KCTD1: variants seen among roughly 807,000 people sequenced by gnomAD.
KCTD1 encodes the protein BTB/POZ domain-containing protein KCTD1.
Under a neutral mutation model 66.0 loss-of-function variants are expected in KCTD1, and 24 were observed. The observed-to-expected ratio is 0.36, with a 90% confidence interval of 0.26 to 0.51. KCTD1 has a LOEUF of 0.51. Among genes scored for constraint, KCTD1 ranks in the 20% least tolerant of loss-of-function variants. KCTD1 has a pLI of 0.95. For missense variants in KCTD1, 943 were observed against 1,205.2 expected, an observed-to-expected ratio of 0.78 and a Z score of 3.22; for synonymous variants, 511 against 517.2, an observed-to-expected ratio of 0.99 and a Z score of 0.16.
At chr18:26,620,813 A>G (rs918060651) in intron 1 of KCTD1, among the ~76,000 whole-genome samples, 4 of 146,728 alleles carry the variant, frequency 2.7e-5, no homozygotes, top group Non-Finnish European at 5.9e-5. Flanking sequence ...CATAGCAGTC[A>G]TCCTGAAACA....
upstream of KCTD1, among the ~76,000 whole-genome samples, chr18:26,644,744 G>A (rs1280414744): frequency 2.6e-5 from 4 of 150,986 alleles, no homozygotes; most frequent in Admixed American, 6.6e-5. Flanking sequence ...GCAACAGAGT[G>A]AGACTCTGTC....
At chr18:26,625,097 C>A (rs965612624) in intron 1 of KCTD1, among the ~76,000 whole-genome samples, 1 of 152,260 alleles carries the variant, frequency 6.6e-6, no homozygotes, top group South Asian at 2.1e-4. Context: ...CCTGTACCCT[C>A]ATTGTATCTG....
chr18:26,551,235 T>C (rs553049939), upstream of KCTD1, among the ~76,000 whole-genome samples: 94 of 152,122 alleles, frequency 6.2e-4, no homozygotes, highest in African/African-American at 2.0e-3. Context: ...GAAAAGAAAA[T>C]AGTTTTGTGC....
At chr18:26,647,050 T>C (rs1987937196) in intron 1 of KCTD1, among the ~76,000 whole-genome samples, 1 of 152,218 alleles carries the variant, frequency 6.6e-6, no homozygotes, top group Non-Finnish European at 1.5e-5. Flanking sequence ...CTATTTCTAC[T>C]AAGTGGGGAT....
At chr18:26,621,789 C>A (rs772402525) in intron 1 of KCTD1, among the ~76,000 whole-genome samples, 1 of 152,178 alleles carries the variant, frequency 6.6e-6, no homozygotes, top group African/African-American at 2.4e-5. Flanking sequence ...TGTCATCATG[C>A]ATTCCAGAAA....
At chr18:26,552,620 T>C (rs1463500577), upstream of KCTD1, among the ~76,000 whole-genome samples, 1 of 152,254 alleles carries the variant, frequency 6.6e-6, no homozygotes, top group Non-Finnish European at 1.5e-5. Flanking sequence ...TATTTCCTTA[T>C]CATTAATTCC....
chr18:26,527,007 C>T (rs1984194868), intron 1 of KCTD1, among the ~76,000 whole-genome samples: 1 of 151,962 alleles, frequency 6.6e-6, no homozygotes, highest in African/African-American at 2.4e-5. Context: ...AATGCTTTAA[C>T]CCCTTAATTC....
chr18:26,499,292 G>A (rs910925895), intron 2 of KCTD1, among the ~76,000 whole-genome samples: 6 of 152,036 alleles, frequency 3.9e-5, no homozygotes, highest in Non-Finnish European at 7.4e-5. Context: ...ATTAACAGAG[G>A]GTCGGAAGGA....
intron 3 of KCTD1, among the ~76,000 whole-genome samples, chr18:26,467,810 A>G (rs574679339): frequency 2.0e-5 from 3 of 152,122 alleles, no homozygotes; most frequent in Non-Finnish European, 4.4e-5. Context: ...GCGAGACCCT[A>G]TCTCAAAAAA....
At chr18:26,633,067 C>T (rs568528145), upstream of KCTD1, among the ~76,000 whole-genome samples, 5 of 151,796 alleles carry the variant, frequency 3.3e-5, no homozygotes, top group African/African-American at 4.8e-5. Context: ...AATTACCTTA[C>T]GCAACATGAG....
upstream of KCTD1, among the ~76,000 whole-genome samples, chr18:26,643,828 G>T (rs1469527401): frequency 2.6e-5 from 4 of 152,188 alleles, no homozygotes; most frequent in East Asian, 3.9e-4. Flanking sequence ...CGGGCTTGGT[G>T]GCGGGTGCCT....
chr18:26,507,932 T>C (rs1350554860), intron 1 of KCTD1, among the ~76,000 whole-genome samples: 1 of 152,090 alleles, frequency 6.6e-6, no homozygotes, highest in Non-Finnish European at 1.5e-5. Context: ...GTTGTATACA[T>C]ACGCACATGG....
intron 2 of KCTD1, among the ~76,000 whole-genome samples, chr18:26,493,545 T>A (rs1473460901): frequency 6.6e-6 from 1 of 152,162 alleles, no homozygotes; most frequent in Non-Finnish European, 1.5e-5. Flanking sequence ...TCCATCTAGA[T>A]GTTCTTTTGC....
chr18:26,539,645 T>C (rs1190436797), intron 1 of KCTD1, among the ~76,000 whole-genome samples: 1 of 152,246 alleles, frequency 6.6e-6, no homozygotes, highest in Non-Finnish European at 1.5e-5. Context: ...TCGTGCCTTA[T>C]GCCCCTACAG....
chr18:26,486,176 G>A (rs1981909253), intron 2 of KCTD1, among the ~76,000 whole-genome samples: 1 of 152,208 alleles, frequency 6.6e-6, no homozygotes. Flanking sequence ...CTCCCAAAGT[G>A]TTGGGATTAC....
intron 4 of KCTD1, chr18:26,456,800 C>T (rs1980110656): frequency 6.6e-6 from 1 of 151,922 alleles, no homozygotes; most frequent in Non-Finnish European, 1.5e-5. Context: ...GGAAACTGAT[C>T]TGGAGCATTC....
intron 1 of KCTD1, among the ~76,000 whole-genome samples, chr18:26,505,537 T>C (rs1982991153): frequency 6.6e-6 from 1 of 152,242 alleles, no homozygotes; most frequent in Non-Finnish European, 1.5e-5. Flanking sequence ...CAGCCCATTG[T>C]TCTCTCCTTT....
In KCTD1 at chr18:26,656,246, C is replaced by A. The variant is rs561172745; in HGVS notation, c.9+1114G>T. Among the ~76,000 whole-genome samples, 342 of 152,192 alleles carry A rather than the reference C, an allele frequency of 2.2e-3. 2 individuals carry two copies. Among genetic ancestry groups the A allele is most frequent in the African/African-American group, 7.9e-3 (327 of 41,544 alleles). On this transcript the variant is annotated intron_variant, in intron 1 of 4. Coordinates refer to the KCTD1 transcript ENST00000580191. ...CCTGACTTGGCGCTGACCGCAGCGC[C>A]GGGAAGAGGCGAGCGCAGCAAAGCC...
chr18:26,559,666 C>T (rs10454719), intron 1 of KCTD1, among the ~76,000 whole-genome samples: 2 of 151,998 alleles, frequency 1.3e-5, no homozygotes, highest in East Asian at 1.9e-4. Context: ...CAGGAGGACT[C>T]GGGGGTTCAG....
Sources: allele counts gnomAD v4.1 joint callset (sites outside exome capture counted in the v4.1 genomes callset), GRCh38; gene constraint gnomAD v4.1.1; transcripts MANE v1.5; gene names NCBI Gene and HGNC (gene_info 2026-07-23, HGNC 2026-07-21).